Variants in MSI2 observed in about 807,000 individuals in gnomAD.
MSI2 encodes musashi RNA binding protein 2.
A neutral mutation model predicts 45.6 loss-of-function variants in MSI2; 17 were observed. The observed-to-expected ratio is 0.37, with a 90% CI of 0.26 to 0.56. MSI2 has a LOEUF of 0.56. Among genes scored for constraint, MSI2 ranks in the 20% least tolerant of loss-of-function variants. MSI2 has a pLI of 0.77. For synonymous variants in MSI2, 156 were observed against 158.2 expected, an observed-to-expected ratio of 0.99 and a Z score of 0.11; for missense variants, 293 against 444.2, an observed-to-expected ratio of 0.66 and a Z score of 3.06.
intron 5 of MSI2, among the ~76,000 whole-genome samples, chr17:57,394,242 A>G (rs1354595411): frequency 6.6e-6 from 1 of 152,218 alleles, no homozygotes; most frequent in Non-Finnish European, 1.5e-5. Context: ...TAGCAAATGA[A>G]GGTGTTAGAG....
rs754396763 is a variant in MSI2 at position 57,257,084 on chromosome 17, T to A, written c.63-14T>A. The A allele has an allele frequency of 1.7e-5, 27 of 1,598,312 alleles. 1 individual carries two copies. The South Asian group carries it at 2.7e-4, about 16-fold the overall frequency. ...GACATCGGTGCTCACTTCTGTTATG[T>A]TTTCTCCCTCTAGTAAAATGTTTAT... is the stretch of plus-strand genomic sequence containing the variant. On this transcript the variant is annotated splice_polypyrimidine_tract_variant and intron_variant, in intron 1 of 13. Coordinates refer to ENST00000284073, the MANE Select transcript of MSI2 (RefSeq NM_138962.4).
chr17:57,625,337 C>A (rs1427755002), intron 9 of MSI2, among the ~76,000 whole-genome samples: 5 of 152,234 alleles, frequency 3.3e-5, no homozygotes, highest in African/African-American at 4.8e-5. Flanking sequence ...GAGGCTACAA[C>A]ACCAACATCC....
chr17:57,696,987 A>G, the MSI2 span, among the ~76,000 whole-genome samples: 2 of 152,090 alleles, frequency 1.3e-5, no homozygotes, highest in African/African-American at 2.4e-5. Flanking sequence ...AGAATATTCC[A>G]TGGGACCAGA....
chr17:57,449,513 A>G (rs2084957046), intron 6 of MSI2: 1 of 152,132 alleles, frequency 6.6e-6, no homozygotes, highest in Admixed American at 6.6e-5. Flanking sequence ...CTCTCTGGGT[A>G]TTTATCTTTA....
rs8079318 is a variant in MSI2 at position 57,557,956 on chromosome 17, C to T, written c.454+28232C>T. ...TGGGTGCTGAGGACCTCCGGGGCTGCAGCTGACTCTGCCCTCACACACCCT... is the reference window on the plus strand; with the variant it reads ...TGGGTGCTGAGGACCTCCGGGGCTGTAGCTGACTCTGCCCTCACACACCCT... On this transcript the variant is annotated intron_variant, in intron 7 of 13. Transcript: ENST00000284073. Among the ~76,000 whole-genome samples, 377 of 152,290 alleles carry T rather than the reference C, an allele frequency of 2.5e-3. 3 individuals are homozygous for T. Among genetic ancestry groups the T allele is most frequent in the African/African-American group, 8.9e-3 (371 of 41,566 alleles).
At chr17:57,285,421 C>G (rs1180111632) in intron 5 of MSI2, among the ~76,000 whole-genome samples, 1 of 152,202 alleles carries the variant, frequency 6.6e-6, no homozygotes, top group Non-Finnish European at 1.5e-5. Flanking sequence ...CTGGCTGCTG[C>G]TGAGGAGGCC....
intron 6 of MSI2, among the ~76,000 whole-genome samples, chr17:57,516,190 T>A (rs533829291): frequency 6.6e-6 from 1 of 152,334 alleles, no homozygotes; most frequent in African/African-American, 2.4e-5. Context: ...TGTTTCTCCT[T>A]AATAGTTACA....
chr17:57,338,625 G>A (rs535093613), intron 5 of MSI2, among the ~76,000 whole-genome samples: 1 of 152,262 alleles, frequency 6.6e-6, no homozygotes, highest in Non-Finnish European at 1.5e-5. Flanking sequence ...CTGGAGGAGC[G>A]GGCTGGTGTT....
chr17:57,632,385 T>G, intron 10 of MSI2: 1 of 1,065,974 alleles, frequency 9.4e-7, no homozygotes, highest in Non-Finnish European at 1.1e-6. Context: ...CTGACTATCT[T>G]TGTCTTTTGG....
Position 57,610,755 on chromosome 17 carries a change from CCTAGGTGTCCAGGGG to C in MSI2, c.538-5193_538-5179del, listed in dbSNP as rs1259870529. Among the ~76,000 whole-genome samples the C allele has an allele frequency of 1.2e-4, 11 of 93,860 alleles. 4 individuals are homozygous for C. The highest frequency in any genetic ancestry group is 5.4e-4 in the East Asian group (2 of 3,730). 61.6% of individuals were successfully genotyped at this position (93,860 alleles called of 152,430 possible). A position where few individuals can be genotyped will look rare whatever the true frequency, so the allele number is the denominator to read the frequency against. On this transcript the variant is annotated intron_variant, in intron 8 of 13. Transcript: ENST00000284073. The stretch of plus-strand genomic sequence containing the variant: ...GTTCTCTAAAGGAACATGCTGCTGC[CCTAGGTGTCCAGGGG>C]CTAGGTGTCCAGGGGCTAGGTCATT...
chr17:57,482,036 A>G (rs2085658505), intron 6 of MSI2, among the ~76,000 whole-genome samples: 1 of 152,288 alleles, frequency 6.6e-6, no homozygotes, highest in African/African-American at 2.4e-5. Context: ...GGGGCCTTAC[A>G]CAGATGCACA....
intron 8 of MSI2, among the ~76,000 whole-genome samples, chr17:57,598,101 C>G (rs567054126): frequency 4.6e-5 from 7 of 152,274 alleles, no homozygotes; most frequent in African/African-American, 1.7e-4. Context: ...TTTGTTGGTT[C>G]CAGAAAAATA....
At chr17:57,531,290 G>A (rs1311855709) in intron 7 of MSI2, among the ~76,000 whole-genome samples, 1 of 152,194 alleles carries the variant, frequency 6.6e-6, no homozygotes, top group African/African-American at 2.4e-5. Flanking sequence ...GTAGGATGGG[G>A]GTAATCATAG....
intron 6 of MSI2, among the ~76,000 whole-genome samples, chr17:57,458,099 C>CT (rs545653222): frequency 0.035 from 4,631 of 133,986 alleles, 123 homozygotes; most frequent in South Asian, 0.056. Flanking sequence ...ATATATATAC[C>CT]TTTTTTTTTT....
intron 7 of MSI2, among the ~76,000 whole-genome samples, chr17:57,563,122 CAG>C (rs2087627325): frequency 3.1e-5 from 3 of 97,420 alleles, no homozygotes; most frequent in South Asian, 6.3e-4. Flanking sequence ...AAAAAAAAAA[CAG>C]TGCATAGATT....
At chr17:57,257,193 C>A in intron 2 of MSI2, 55 bp downstream of exon 2, 1 of 1,072,250 alleles carries the variant, frequency 9.3e-7, no homozygotes, top group Non-Finnish European at 1.3e-6. Context: ...TTCTTTATTG[C>A]TCTTTGTTAT....
chr17:57,270,134 A>G (rs1053989152), intron 5 of MSI2, among the ~76,000 whole-genome samples: 1 of 152,160 alleles, frequency 6.6e-6, no homozygotes, highest in Admixed American at 6.5e-5. Context: ...TGAGATTTTG[A>G]ATAGTTAAAA....
At chr17:57,689,346 G>A (rs998485746), downstream of MSI2, among the ~76,000 whole-genome samples, 6 of 152,058 alleles carry the variant, frequency 3.9e-5, no homozygotes, top group African/African-American at 1.2e-4. Context: ...GAAAAGGGTA[G>A]GGAATGATTC....
rs532918083 is a variant in MSI2, at chr17:57,602,214, AT to A, written c.537+5275del. Among the ~76,000 whole-genome samples the A allele has an allele frequency of 4.2e-4, 62 of 148,356 alleles. 1 individual carries two copies. The South Asian group carries it at 0.011, about 26-fold the overall frequency. ...AGAACATTATGAGATTTTTTTTTTA[AT>A]TTTTTTTTTTAAAGCTCATCAGCTA... On this transcript the variant is annotated intron_variant, in intron 8 of 13. Coordinates refer to ENST00000284073, the MANE Select transcript of MSI2 (RefSeq NM_138962.4).
Sources: allele counts gnomAD v4.1 joint callset (sites outside exome capture counted in the v4.1 genomes callset), GRCh38; gene constraint gnomAD v4.1.1; transcripts MANE v1.5; gene names NCBI Gene and HGNC (gene_info 2026-07-23, HGNC 2026-07-21).